The following PRPF18 variants were observed in gnomAD, a reference collection of about 807,000 sequenced individuals.
PRPF18 encodes pre-mRNA-splicing factor 18.
PRPF18 carries 38 observed loss-of-function variants against 46.5 expected under a neutral mutation model. That is an observed-to-expected ratio of 0.82 (90% confidence interval 0.63 to 1.07). PRPF18 has a LOEUF of 1.07. PRPF18 is among the 50% of genes least tolerant of loss of function. The probability of loss-of-function intolerance (pLI) is 0.00; values close to 1 mark genes in which losing one functional copy is unlikely to be tolerated. For synonymous variants in PRPF18, 152 were observed against 146.7 expected (o/e 1.04, Z -0.26); for missense variants, 263 against 410.0 (o/e 0.64, Z 3.10).
chr10:13,595,712 C>G (rs747813051), intron 1 of PRPF18, among the ~76,000 whole-genome samples: 3 of 152,176 alleles, frequency 2.0e-5, no homozygotes, highest in African/African-American at 7.2e-5. Context: ...ATGATACCAT[C>G]GGTTCCTTAC....
intron 8 of PRPF18, among the ~76,000 whole-genome samples, chr10:13,615,455 T>A (rs538725860): frequency 1.4e-3 from 214 of 152,350 alleles, no homozygotes; most frequent in African/African-American, 4.9e-3. Context: ...ATAGGCCCTT[T>A]TTAAATTAAG....
downstream of PRPF18, among the ~76,000 whole-genome samples, chr10:13,635,052 C>T (rs993664330): frequency 6.6e-5 from 10 of 152,278 alleles, no homozygotes; most frequent in Non-Finnish European, 2.9e-5. Flanking sequence ...TCCTCCCACC[C>T]GCCATCCTCC....
chr10:13,628,673 C>T (rs773434498), intron 9 of PRPF18, among the ~76,000 whole-genome samples: 5 of 151,962 alleles, frequency 3.3e-5, no homozygotes, highest in Non-Finnish European at 5.9e-5. Flanking sequence ...TACTATGGGA[C>T]CAATGAGATT....
At chr10:13,651,672 C>CAAAACAAAACATACTCT in the PRPF18 span, 1 of 532,386 alleles carries the variant, frequency 1.9e-6, no homozygotes, top group Non-Finnish European at 3.4e-6. Context: ...GACTCTGTCT[C>CAAAACAAAACATACTCT]AAAACAAAAC....
chr10:13,588,750 AT>A (rs1308513412), intron 1 of PRPF18, among the ~76,000 whole-genome samples: 2 of 152,034 alleles, frequency 1.3e-5, no homozygotes, highest in African/African-American at 2.4e-5. Context: ...GGGAGAAAGA[AT>A]TACATGATTT....
chr10:13,646,924 C>T, the PRPF18 span: 21 of 910,388 alleles, frequency 2.3e-5, no homozygotes, highest in African/African-American at 9.0e-5. Flanking sequence ...CAGATTAGGC[C>T]GGGCTGGCTC....
chr10:13,616,012 A>T (rs2080335139), intron 8 of PRPF18, among the ~76,000 whole-genome samples: 2 of 152,196 alleles, frequency 1.3e-5, no homozygotes, highest in Non-Finnish European at 2.9e-5. Flanking sequence ...TGTCTTCTAC[A>T]TGACCCCCTG....
chr10:13,619,287 T>C (rs2080390957), intron 9 of PRPF18, among the ~76,000 whole-genome samples: 1 of 152,264 alleles, frequency 6.6e-6, no homozygotes, highest in South Asian at 2.1e-4. Context: ...ACTTGTTTTA[T>C]ACAATTGGAC....
At position 13,597,499 on chromosome 10, in the gene PRPF18, A is replaced by T. The variant is rs2080052449; in HGVS notation, c.108A>T (p.Lys36Asn). 1 of 1,610,468 alleles carries T rather than the reference A, an allele frequency of 6.2e-7. No individual in the cohort carries two copies. The highest frequency in any genetic ancestry group is 1.3e-5 in the African/African-American group (1 of 74,884). ...KYFKRSELAK[K>N]EEEAYFERCG... ...TCAAGCGTAGTGAGCTCGCCAAAAA[A>T]GAAGAGGAAGCATATTTTGAAAGAT... The change falls in exon 2 of 10, where the codon AAA (lysine) becomes AAT (asparagine). Residue 36 changes from lysine (K) to asparagine (N), a missense_variant. Around this residue, in one of 4 missense-constraint regions of PRPF18, gnomAD observed 71 missense variants for 69.2 expected, o/e 1.03. Coordinates refer to ENST00000378572, the MANE Select transcript of PRPF18 (RefSeq NM_003675.4).
intron 1 of PRPF18, among the ~76,000 whole-genome samples, chr10:13,587,658 A>G (rs1223365208): frequency 6.6e-6 from 1 of 152,096 alleles, no homozygotes; most frequent in Non-Finnish European, 1.5e-5. Flanking sequence ...CACAGACCGA[A>G]CCCTTCATCC....
chr10:13,644,640 C>G, the PRPF18 span: 2 of 152,224 alleles, frequency 1.3e-5, no homozygotes, highest in Non-Finnish European at 2.9e-5. Context: ...TTTCAAGCTA[C>G]TATGCATGAT....
chr10:13,650,427 T>C, the PRPF18 span, among the ~76,000 whole-genome samples: 1 of 150,176 alleles, frequency 6.7e-6, no homozygotes, highest in Non-Finnish European at 1.5e-5. Context: ...AACTCGTGTA[T>C]GTATTCGTGT....
intron 3 of PRPF18, among the ~76,000 whole-genome samples, chr10:13,602,338 T>C (rs2080123761): frequency 6.6e-6 from 1 of 152,222 alleles, no homozygotes; most frequent in Non-Finnish European, 1.5e-5. Flanking sequence ...GAAATTTGTC[T>C]TTATTGATTT....
chr10:13,613,645 G>A, intron 6 of PRPF18, 96 bp from the exon 7 acceptor site: 10 of 1,276,874 alleles, frequency 7.8e-6, no homozygotes, highest in Non-Finnish European at 1.1e-5. Flanking sequence ...TTTACTTTAA[G>A]GATGATTGTA....
the PRPF18 span, chr10:13,639,882 C>T: frequency 2.6e-5 from 4 of 152,230 alleles, no homozygotes; most frequent in East Asian, 1.9e-4. Context: ...GGAGCTCCCC[C>T]CTTCTATTTG....
At chr10:13,623,267 A>G (rs1165376196) in intron 9 of PRPF18, among the ~76,000 whole-genome samples, 1 of 152,234 alleles carries the variant, frequency 6.6e-6, no homozygotes, top group Non-Finnish European at 1.5e-5. Flanking sequence ...ATGCATGACT[A>G]CAAATGTTAG....
intron 1 of PRPF18, among the ~76,000 whole-genome samples, chr10:13,589,464 T>G (rs1468227111): frequency 2.6e-5 from 4 of 152,238 alleles, no homozygotes; most frequent in African/African-American, 9.6e-5. Context: ...GTAATTTTAC[T>G]CCTTTATCAT....
intron 9 of PRPF18, 144 bp downstream of exon 9, chr10:13,616,697 C>A: frequency 1.0e-6 from 1 of 989,372 alleles, no homozygotes; most frequent in Non-Finnish European, 1.5e-6. Flanking sequence ...TAAGCACTGA[C>A]ACTGAAGCCA....
rs764949035 is a variant in PRPF18, at chr10:13,613,740, G to T, written c.580-1G>T. 6 of 1,611,572 alleles carry T rather than the reference G, an allele frequency of 3.7e-6. No homozygotes were observed. Among genetic ancestry groups the T allele is most frequent in the Non-Finnish European group, 5.1e-6 (6 of 1,179,408 alleles). ...TCTAAGTTTACCCATCCTTTCAACA[G>T]TTTCTTCTTGGCGTTTGGGCTAAAG... On this transcript the variant is annotated splice_acceptor_variant, in intron 6 of 9. Transcript: ENST00000378572. LOFTEE classifies it high-confidence loss of function.
Sources: allele counts gnomAD v4.1 joint callset (sites outside exome capture counted in the v4.1 genomes callset), GRCh38; gene constraint gnomAD v4.1.1; regional missense constraint gnomAD v4.1.1; transcripts MANE v1.5; gene names NCBI Gene and HGNC (gene_info 2026-07-23, HGNC 2026-07-21).